GLIS3: variants seen among roughly 807,000 people sequenced by gnomAD.
GLIS3 encodes the protein GLIS family zinc finger 3.
Under a neutral mutation model 78.6 loss-of-function variants are expected in GLIS3, and 53 were observed. The ratio of observed to expected loss-of-function variants is 0.67; its 90% CI spans 0.54 to 0.85. The LOEUF is 0.85. Ranked by LOEUF, GLIS3 falls within the 40% of genes least tolerant of loss-of-function variation. GLIS3 has a pLI of 0.00. For synonymous variants in GLIS3, 684 were observed against 509.9 expected (o/e 1.34, Z -4.60); for missense variants, 1,703 against 1,231.1 (o/e 1.38, Z -5.74).
intron 1 of GLIS3, chr9:4,298,410 A>C (rs112599833): frequency 3.9e-5 from 18 of 455,910 alleles, no homozygotes; most frequent in African/African-American, 2.6e-4. Flanking sequence ...TAGGATGACA[A>C]ATCAGCCAGG....
intron 4 of GLIS3, among the ~76,000 whole-genome samples, chr9:4,080,943 C>T (rs79021198): frequency 6.6e-6 from 1 of 152,298 alleles, no homozygotes; most frequent in East Asian, 1.9e-4. Context: ...GGTCTGCTTA[C>T]CACAGTCCTT....
At chr9:4,211,103 C>A (rs1820335091) in intron 2 of GLIS3, among the ~76,000 whole-genome samples, 1 of 152,220 alleles carries the variant, frequency 6.6e-6, no homozygotes, top group South Asian at 2.1e-4. Context: ...AGCATCTGCA[C>A]CATCCACACT....
the GLIS3 span, among the ~76,000 whole-genome samples, chr9:4,487,520 A>G: frequency 6.6e-6 from 1 of 152,106 alleles, no homozygotes; most frequent in Admixed American, 6.6e-5. Context: ...AAGCCTAAAT[A>G]CTTTACCCCG....
At chr9:4,176,775 G>C (rs1017604468) in intron 2 of GLIS3, among the ~76,000 whole-genome samples, 1 of 152,054 alleles carries the variant, frequency 6.6e-6, no homozygotes, top group African/African-American at 2.4e-5. Context: ...AGACACCTGC[G>C]ACCACGCCCA....
intron 2 of GLIS3, among the ~76,000 whole-genome samples, chr9:4,165,855 G>A (rs377058528): frequency 9.2e-5 from 14 of 152,184 alleles, no homozygotes; most frequent in African/African-American, 3.4e-4. Flanking sequence ...TGAAGAACAG[G>A]GACAAGGATA....
intron 4 of GLIS3, among the ~76,000 whole-genome samples, chr9:3,996,312 A>C (rs968144017): frequency 1.3e-5 from 2 of 152,208 alleles, no homozygotes; most frequent in African/African-American, 4.8e-5. Context: ...CAAAGAACAG[A>C]GACCAGAGAA....
At chr9:4,439,702 T>A in the GLIS3 span, among the ~76,000 whole-genome samples, 2 of 152,346 alleles carry the variant, frequency 1.3e-5, no homozygotes, top group East Asian at 3.9e-4. Flanking sequence ...AGACAGAGTC[T>A]CACTCTGTTG....
chr9:4,369,383 A>G, the GLIS3 span, among the ~76,000 whole-genome samples: 2 of 152,210 alleles, frequency 1.3e-5, no homozygotes, highest in Non-Finnish European at 2.9e-5. Flanking sequence ...AAGAACAATA[A>G]TACCAATTCT....
intron 4 of GLIS3, among the ~76,000 whole-genome samples, chr9:4,109,842 T>C (rs1411030084): frequency 6.6e-6 from 1 of 152,208 alleles, no homozygotes; most frequent in East Asian, 1.9e-4. Context: ...TTTCATATGG[T>C]GCTGTGCAGG....
chr9:4,010,207 G>T (rs1417996190), intron 4 of GLIS3, among the ~76,000 whole-genome samples: 1 of 152,174 alleles, frequency 6.6e-6, no homozygotes, highest in Non-Finnish European at 1.5e-5. Flanking sequence ...CAAGAGCACA[G>T]GCTTGGGTCC....
intron 2 of GLIS3, among the ~76,000 whole-genome samples, chr9:4,322,943 T>C (rs1817555532): frequency 6.6e-6 from 1 of 152,232 alleles, no homozygotes; most frequent in Non-Finnish European, 1.5e-5. Flanking sequence ...ATTTTGGCTT[T>C]TGTTGCCATT....
chr9:4,294,597 G>C (rs1465938333), intron 1 of GLIS3, among the ~76,000 whole-genome samples: 1 of 151,702 alleles, frequency 6.6e-6, no homozygotes, highest in African/African-American at 2.4e-5. Flanking sequence ...CCCAATAAAT[G>C]TTATTTTACT....
chr9:4,356,075 A>AGT, the GLIS3 span, among the ~76,000 whole-genome samples: 1 of 152,226 alleles, frequency 6.6e-6, no homozygotes, highest in African/African-American at 2.4e-5. Flanking sequence ...TAATGAGCTG[A>AGT]GTGGTCTTGG....
intron 4 of GLIS3, among the ~76,000 whole-genome samples, chr9:4,058,703 G>C (rs1000484102): frequency 2.6e-5 from 4 of 152,264 alleles, no homozygotes; most frequent in African/African-American, 9.6e-5. Flanking sequence ...AAGAACCATA[G>C]AGTGCGGTAG....
At chr9:4,089,609 T>A (rs987827425) in intron 4 of GLIS3, among the ~76,000 whole-genome samples, 1 of 152,124 alleles carries the variant, frequency 6.6e-6, no homozygotes, top group African/African-American at 2.4e-5. Flanking sequence ...GAGGATCTCT[T>A]GAGGCCAGGA....
At chr9:4,472,053 G>T in the GLIS3 span, among the ~76,000 whole-genome samples, 3 of 152,086 alleles carry the variant, frequency 2.0e-5, no homozygotes, top group Non-Finnish European at 2.9e-5. Flanking sequence ...AAAACCACAA[G>T]GAGATACCAT....
the GLIS3 span, among the ~76,000 whole-genome samples, chr9:4,397,535 G>C: frequency 6.6e-6 from 1 of 151,652 alleles, no homozygotes; most frequent in South Asian, 2.1e-4. Flanking sequence ...AGAAAACCAA[G>C]CAAGGGACTT....
chr9:4,057,074 C>G (rs1156262426), intron 4 of GLIS3, among the ~76,000 whole-genome samples: 10 of 152,004 alleles, frequency 6.6e-5, no homozygotes, highest in Non-Finnish European at 1.0e-4. Context: ...TAAATTTCAT[C>G]TCATTCAAGA....
intron 4 of GLIS3, among the ~76,000 whole-genome samples, chr9:3,940,973 C>T (rs183027225): frequency 1.5e-4 from 23 of 152,284 alleles, no homozygotes; most frequent in Non-Finnish European, 2.5e-4. Context: ...AGACGAGCAA[C>T]GCTGGCATCG....
Sources: allele counts gnomAD v4.1 joint callset (sites outside exome capture counted in the v4.1 genomes callset), GRCh38; gene constraint gnomAD v4.1.1; transcripts MANE v1.5; gene names NCBI Gene and HGNC (gene_info 2026-07-23, HGNC 2026-07-21).